SLC25A26: variants seen among roughly 807,000 people sequenced by gnomAD.
SLC25A26 encodes the protein mitochondrial S-adenosylmethionine carrier protein.
In SLC25A26, 36 loss-of-function variants were observed where a neutral mutation model predicts 37.8. The observed-to-expected ratio is 0.95, with a 90% confidence interval of 0.73 to 1.26. SLC25A26 has a LOEUF of 1.26. SLC25A26 is among the 50% of genes most tolerant of loss of function. SLC25A26 has a pLI of 0.00. For missense variants in SLC25A26, 390 were observed against 331.1 expected, an observed-to-expected ratio of 1.18 and a Z score of -1.38; for synonymous variants, 129 against 122.5, an observed-to-expected ratio of 1.05 and a Z score of -0.35.
chr3:66,314,029 A>C lies in SLC25A26; in HGVS notation c.454-32335A>C, dbSNP rs138469254. 3.0e-4 allele frequency among the ~76,000 whole-genome samples: 45 copies of C among 152,270 alleles called. 1 individual carries two copies. The highest frequency in any genetic ancestry group is 9.6e-4 in the African/African-American group (40 of 41,574). ...CTTAAGAAGCTTGTGGGCTGAGACA[A>C]TGGGGTTTTCTAGAAGGAGTATCAT... is the stretch of plus-strand genomic sequence containing the variant. On this transcript the variant is annotated intron_variant, in intron 5 of 9. Transcript: ENST00000354883.
At chr3:66,327,401 T>A (rs1006378455) in intron 5 of SLC25A26, among the ~76,000 whole-genome samples, 1 of 152,360 alleles carries the variant, frequency 6.6e-6, no homozygotes, top group African/African-American at 2.4e-5. Flanking sequence ...TTTCCACTTA[T>A]AATTGTTTTA....
At chr3:66,228,937 A>T (rs2071884130) in intron 1 of SLC25A26, among the ~76,000 whole-genome samples, 1 of 152,190 alleles carries the variant, frequency 6.6e-6, no homozygotes, top group Non-Finnish European at 1.5e-5. Context: ...CAGAGAGCAG[A>T]ATTTGAGAAG....
At chr3:66,288,067 G>T (rs939713706) in intron 5 of SLC25A26, among the ~76,000 whole-genome samples, 2 of 152,180 alleles carry the variant, frequency 1.3e-5, no homozygotes, top group Non-Finnish European at 2.9e-5. Flanking sequence ...GGACAGAGGA[G>T]AGAGATTCTG....
chr3:66,231,751 T>C (rs2072042001), intron 1 of SLC25A26, among the ~76,000 whole-genome samples: 1 of 134,010 alleles, frequency 7.5e-6, no homozygotes, highest in Non-Finnish European at 1.5e-5. Flanking sequence ...CCAATAAGTA[T>C]GGGTTTACCT....
At chr3:66,362,221 T>C (rs1467244386) in intron 6 of SLC25A26, among the ~76,000 whole-genome samples, 1 of 152,174 alleles carries the variant, frequency 6.6e-6, no homozygotes, top group East Asian at 1.9e-4. Flanking sequence ...CATGTATACA[T>C]ATAAAGACCT....
At chr3:66,219,289 T>C (rs1291252042), upstream of SLC25A26, among the ~76,000 whole-genome samples, 1 of 152,160 alleles carries the variant, frequency 6.6e-6, no homozygotes, top group African/African-American at 2.4e-5. Context: ...CCCTAATGTG[T>C]TTTGCATAAT....
At chr3:66,137,912 C>T (rs1424418580) in intron 1 of SLC25A26, among the ~76,000 whole-genome samples, 1 of 152,260 alleles carries the variant, frequency 6.6e-6, no homozygotes, top group African/African-American at 2.4e-5. Flanking sequence ...TGGCTCTCTG[C>T]CACCTCTGCC....
intron 5 of SLC25A26, among the ~76,000 whole-genome samples, chr3:66,274,975 A>T (rs1332850718): frequency 1.3e-5 from 2 of 152,144 alleles, no homozygotes; most frequent in African/African-American, 2.4e-5. Context: ...GGCACTATTC[A>T]CAATAGCAAA....
intron 3 of SLC25A26, among the ~76,000 whole-genome samples, chr3:66,245,700 T>G (rs2072802045): frequency 6.6e-6 from 1 of 152,248 alleles, no homozygotes; most frequent in Non-Finnish European, 1.5e-5. Flanking sequence ...AACTGTTTAG[T>G]AACCTAATAT....
At chr3:66,312,325 C>G (rs1036729096) in intron 5 of SLC25A26, among the ~76,000 whole-genome samples, 2 of 152,114 alleles carry the variant, frequency 1.3e-5, no homozygotes, top group Admixed American at 6.6e-5. Flanking sequence ...TGGTGGATGC[C>G]CTTCCCCTAA....
At chr3:66,225,923 TG>T (rs1483442284) in intron 1 of SLC25A26, among the ~76,000 whole-genome samples, 6 of 152,212 alleles carry the variant, frequency 3.9e-5, no homozygotes, top group African/African-American at 1.4e-4. Context: ...TCCATCTCAC[TG>T]TCAGCATTTT....
chr3:66,152,813 T>G (rs1214425331), intron 1 of SLC25A26, among the ~76,000 whole-genome samples: 1 of 152,198 alleles, frequency 6.6e-6, no homozygotes, highest in African/African-American at 2.4e-5. Context: ...AATCCCATCT[T>G]GTGCCTTGGG....
At chr3:66,148,062 T>A (rs2070146355) in intron 1 of SLC25A26, among the ~76,000 whole-genome samples, 1 of 152,204 alleles carries the variant, frequency 6.6e-6, no homozygotes, top group African/African-American at 2.4e-5. Flanking sequence ...CGGCTGTTTT[T>A]TGACTTTTAA....
At chr3:66,157,006 G>C (rs1356732140) in intron 1 of SLC25A26, among the ~76,000 whole-genome samples, 1 of 152,140 alleles carries the variant, frequency 6.6e-6, no homozygotes, top group African/African-American at 2.4e-5. Flanking sequence ...GCTGAGACAG[G>C]AAGGTCTCTT....
chr3:66,138,463 A>G (rs1042376835), intron 1 of SLC25A26, among the ~76,000 whole-genome samples: 3 of 152,146 alleles, frequency 2.0e-5, no homozygotes, highest in African/African-American at 7.2e-5. Context: ...ATTTTCTCCT[A>G]AGGTTAGATT....
In SLC25A26 at chr3:66,322,310, G is replaced by A. The variant is rs1575563842; in HGVS notation, c.454-24054G>A. Reference sequence around the variant, plus strand: ...CTTTTACCCTGTGAAGTTTAAATATGTGACTAGTTAAAGATATTAAAGTTT... The same window carrying A: ...CTTTTACCCTGTGAAGTTTAAATATATGACTAGTTAAAGATATTAAAGTTT... On this transcript the variant is annotated intron_variant, in intron 5 of 9. Transcript: ENST00000354883. 2.0e-5 allele frequency among the ~76,000 whole-genome samples: 3 copies of A among 152,164 alleles called. No homozygotes were observed. The South Asian group carries it at 6.2e-4, about 31-fold the overall frequency.
At chr3:66,158,501 CTA>C (rs1260380003) in intron 1 of SLC25A26, among the ~76,000 whole-genome samples, 1 of 152,104 alleles carries the variant, frequency 6.6e-6, no homozygotes, top group Non-Finnish European at 1.5e-5. Context: ...TACATTAACT[CTA>C]TGTTGAATAT....
intron 5 of SLC25A26, among the ~76,000 whole-genome samples, chr3:66,319,744 C>CTT (rs71105981): frequency 0.025 from 2,283 of 92,106 alleles, 412 homozygotes; most frequent in African/African-American, 0.092. Flanking sequence ...GCAATTAAAT[C>CTT]TTTTTTTTTT....
intron 4 of SLC25A26, among the ~76,000 whole-genome samples, chr3:66,262,458 T>A (rs971163397): frequency 2.0e-5 from 3 of 152,222 alleles, no homozygotes; most frequent in Non-Finnish European, 2.9e-5. Flanking sequence ...AGATATTATA[T>A]TAAAACATCA....
Sources: gnomAD v4.1 joint callset for allele counts (sites outside exome capture counted in the v4.1 genomes callset) on GRCh38, gnomAD v4.1.1 for gene constraint, MANE v1.5 for transcripts, NCBI Gene and HGNC (gene_info 2026-07-23, HGNC 2026-07-21) for gene names.